The following NHSL1 variants were observed in gnomAD, a reference collection of about 807,000 sequenced individuals.
NHSL1 encodes NHS like 1, also known as NHS-like protein 1.
A neutral mutation model predicts 95.0 loss-of-function variants in NHSL1; 48 were observed. The ratio of observed to expected loss-of-function variants is 0.51; its 90% CI spans 0.40 to 0.64. The LOEUF is 0.64. Ranked by LOEUF, NHSL1 falls within the 30% of genes least tolerant of loss-of-function variation. The pLI, the probability that NHSL1 is intolerant of heterozygous loss-of-function variation, is 0.00. For synonymous variants in NHSL1, 783 were observed against 833.9 expected (o/e 0.94, Z 1.05); for missense variants, 1,971 against 2,077.7 (o/e 0.95, Z 1.00).
At chr6:138,505,074 G>C (rs1357927271) in intron 1 of NHSL1, among the ~76,000 whole-genome samples, 6 of 145,614 alleles carry the variant, frequency 4.1e-5, no homozygotes, top group African/African-American at 1.6e-4. Flanking sequence ...AGCTTCTTAA[G>C]AGCAGAGCTG....
At chr6:138,542,112 T>C (rs145894384) in intron 1 of NHSL1, among the ~76,000 whole-genome samples, 3 of 152,272 alleles carry the variant, frequency 2.0e-5, no homozygotes, top group East Asian at 3.9e-4. Context: ...GTCCAATAAG[T>C]GGTGTCCTTT....
At chr6:138,629,662 C>T (rs1033563241) in intron 1 of NHSL1, among the ~76,000 whole-genome samples, 1 of 152,198 alleles carries the variant, frequency 6.6e-6, no homozygotes, top group African/African-American at 2.4e-5. Flanking sequence ...CGATTACAGG[C>T]GTGAGCCACC....
At chr6:138,634,811 A>G (rs1033918955) in intron 1 of NHSL1, among the ~76,000 whole-genome samples, 4 of 151,440 alleles carry the variant, frequency 2.6e-5, no homozygotes, top group African/African-American at 7.3e-5. Flanking sequence ...AACAAGTCCT[A>G]AAACATTCAA....
chr6:138,585,951 A>G (rs1252408787), intron 1 of NHSL1, among the ~76,000 whole-genome samples: 1 of 151,956 alleles, frequency 6.6e-6, no homozygotes, highest in Non-Finnish European at 1.5e-5. Flanking sequence ...CAAGGGAGCC[A>G]GAGACAGGAG....
intron 1 of NHSL1, among the ~76,000 whole-genome samples, chr6:138,668,938 T>C (rs185172177): frequency 5.3e-4 from 81 of 152,148 alleles, no homozygotes; most frequent in Admixed American, 2.4e-3. Flanking sequence ...ACAAGAAAAA[T>C]TGTTCACTGG....
intron 1 of NHSL1, among the ~76,000 whole-genome samples, chr6:138,651,837 G>A (rs72977126): frequency 0.011 from 1,647 of 152,236 alleles, 10 homozygotes; most frequent in Non-Finnish European, 0.017. Flanking sequence ...GAGATCAATA[G>A]AAAATACCAT....
upstream of NHSL1, among the ~76,000 whole-genome samples, chr6:138,503,115 T>G (rs1780774641): frequency 6.6e-6 from 1 of 152,226 alleles, no homozygotes; most frequent in Non-Finnish European, 1.5e-5. Context: ...AAATTCTCAG[T>G]GGTCATCGGT....
chr6:138,473,102 A>G (rs1778854140), intron 3 of NHSL1, among the ~76,000 whole-genome samples: 1 of 152,228 alleles, frequency 6.6e-6, no homozygotes, highest in African/African-American at 2.4e-5. Context: ...GAGTATTGCA[A>G]GTTTCCTGTG....
intron 5 of NHSL1, among the ~76,000 whole-genome samples, chr6:138,439,430 G>T (rs1302152775): frequency 1.3e-5 from 2 of 152,136 alleles, no homozygotes; most frequent in African/African-American, 4.8e-5. Context: ...TCATTACCTA[G>T]ATATACTACC....
chr6:138,550,865 C>T (rs1782977088), intron 1 of NHSL1, among the ~76,000 whole-genome samples: 1 of 152,186 alleles, frequency 6.6e-6, no homozygotes, highest in South Asian at 2.1e-4. Context: ...TATCCTCTTA[C>T]TCTTGCCAAA....
At chr6:138,659,671 T>C (rs1785200753) in intron 1 of NHSL1, among the ~76,000 whole-genome samples, 2 of 151,800 alleles carry the variant, frequency 1.3e-5, no homozygotes, top group Middle Eastern at 3.5e-3. Context: ...GTCTAGCAAC[T>C]AACATAATGA....
chr6:138,614,919 C>G (rs903100006), intron 1 of NHSL1, among the ~76,000 whole-genome samples: 10 of 151,972 alleles, frequency 6.6e-5, no homozygotes, highest in Admixed American at 6.6e-4. Context: ...CAACCACCAC[C>G]ACCCACCCAC....
At position 138,499,374 on chromosome 6, in the gene NHSL1, T is replaced by C; in HGVS notation, c.-84A>G. 6.6e-7 allele frequency: 1 copy of C among 1,524,552 alleles called. No homozygotes were observed. The highest frequency in any genetic ancestry group is 8.8e-7 in the Non-Finnish European group (1 of 1,133,308). 94.4% of individuals were successfully genotyped at this position (1,524,552 alleles called of 1,614,324 possible). ...AGGCAGGTGGCAAGCTTCGTCCTTC[T>C]GCTACAGATTCTAACTTTTTCTTCC... On this transcript the variant is annotated 5_prime_UTR_variant, in exon 1 of 8. Coordinates refer to ENST00000343505, the MANE Select transcript of NHSL1 (RefSeq NM_001144060.2).
rs1382360854 is a variant in NHSL1 at position 138,496,327 on chromosome 6, T to C, written c.103A>G (p.Thr35Ala). ...TTCTCCTGCTGGTGCCACGGGGCAG[T>C]GTAGTGGACTGTCCATCGGCTTTCC... is the stretch of plus-strand genomic sequence containing the variant. ...DEESRWTVHYTAPWHQQENVF... is the reference protein window; with the variant it reads ...DEESRWTVHYAAPWHQQENVF... Residue 35 changes from threonine to alanine, a missense_variant, in exon 2 of 8, where the codon ACT (threonine) becomes GCT (alanine). Physicochemically the swap from Thr to Ala is moderately conservative, Grantham distance 58. Transcript: ENST00000343505. 1.9e-6 allele frequency: 3 copies of C among 1,550,474 alleles called. No homozygotes were observed. Among genetic ancestry groups the C allele is most frequent in the South Asian group, 1.2e-5 (1 of 84,014 alleles).
At chr6:138,478,921 A>T (rs1195431908) in intron 2 of NHSL1, among the ~76,000 whole-genome samples, 9 of 152,342 alleles carry the variant, frequency 5.9e-5, no homozygotes, top group African/African-American at 2.2e-4. Flanking sequence ...TTTCAAATAC[A>T]GAAGAAAAAA....
chr6:138,508,262 G>T (rs1005717397), intron 1 of NHSL1, among the ~76,000 whole-genome samples: 1 of 152,220 alleles, frequency 6.6e-6, no homozygotes, highest in African/African-American at 2.4e-5. Context: ...TGCAGGAATG[G>T]AAGGCTGCAA....
At chr6:138,470,353 A>G (rs1439235969) in intron 3 of NHSL1, among the ~76,000 whole-genome samples, 2 of 152,178 alleles carry the variant, frequency 1.3e-5, no homozygotes, top group African/African-American at 4.8e-5. Context: ...GCAGTGGTGC[A>G]AACACGTCTC....
upstream of NHSL1, among the ~76,000 whole-genome samples, chr6:138,548,524 G>A (rs1782890254): frequency 6.6e-6 from 1 of 152,292 alleles, no homozygotes; most frequent in Non-Finnish European, 1.5e-5. Context: ...TACGGTTGGT[G>A]TATTTTATGT....
At chr6:138,650,660 C>G in intron 1 of NHSL1, 1 of 562,578 alleles carries the variant, frequency 1.8e-6, no homozygotes, top group South Asian at 1.4e-5. Context: ...ATCCCACAAA[C>G]TGGACCATCC....
Sources: allele counts gnomAD v4.1 joint callset (sites outside exome capture counted in the v4.1 genomes callset), GRCh38; gene constraint gnomAD v4.1.1; transcripts MANE v1.5; gene names NCBI Gene and HGNC (gene_info 2026-07-23, HGNC 2026-07-21).